Variants in CAB39L observed in about 807,000 individuals in gnomAD.
CAB39L encodes the protein calcium-binding protein 39-like.
Under a neutral mutation model 39.1 loss-of-function variants are expected in CAB39L, and 23 were observed. The observed-to-expected ratio is 0.59, with a 90% CI of 0.42 to 0.83. The LOEUF (loss-of-function observed/expected upper bound fraction) is 0.83. Ranked by LOEUF, CAB39L falls within the 40% of genes least tolerant of loss-of-function variation. CAB39L has a pLI of 0.00. For missense variants in CAB39L, 366 were observed against 391.9 expected (o/e 0.93, Z 0.56); for synonymous variants, 126 against 137.2 (o/e 0.92, Z 0.57).
chr13:49,378,817 G>A (rs1472064708), intron 4 of CAB39L, among the ~76,000 whole-genome samples: 153 of 36,820 alleles, frequency 4.2e-3, no homozygotes, highest in South Asian at 5.2e-3. Context: ...GGTGAGGGGC[G>A]CCTCTGCCCG....
At chr13:49,347,077 C>T (rs1045083869) in intron 7 of CAB39L, among the ~76,000 whole-genome samples, 1 of 151,866 alleles carries the variant, frequency 6.6e-6, no homozygotes, top group Admixed American at 6.6e-5. Flanking sequence ...CCAAACAAAA[C>T]CCTTTGAAAC....
At chr13:49,395,380 C>T (rs932509409) in intron 3 of CAB39L, among the ~76,000 whole-genome samples, 3 of 151,944 alleles carry the variant, frequency 2.0e-5, no homozygotes, top group Non-Finnish European at 4.4e-5. Flanking sequence ...GGATTACAGG[C>T]ACTCACCACC....
chr13:49,434,766 A>G (rs1196506113), intron 1 of CAB39L, among the ~76,000 whole-genome samples: 1 of 152,170 alleles, frequency 6.6e-6, no homozygotes, highest in East Asian at 1.9e-4. Flanking sequence ...GCAGCACATC[A>G]ATACTACTAC....
chr13:49,335,968 G>A (rs746122558), intron 9 of CAB39L, among the ~76,000 whole-genome samples: 3 of 151,966 alleles, frequency 2.0e-5, no homozygotes, highest in Non-Finnish European at 4.4e-5. Context: ...AACCTCTCTT[G>A]TTTCCTGCAA....
chr13:49,421,745 C>T (rs976203716), intron 3 of CAB39L, among the ~76,000 whole-genome samples: 3 of 152,040 alleles, frequency 2.0e-5, no homozygotes, highest in Admixed American at 6.6e-5. Context: ...CTCTACCCAG[C>T]AGTAACAAGC....
chr13:49,320,174 G>A (rs1357710774), intron 10 of CAB39L, among the ~76,000 whole-genome samples: 1 of 152,178 alleles, frequency 6.6e-6, no homozygotes, highest in African/African-American at 2.4e-5. Context: ...ACACACTGAT[G>A]ATAAGAAACA....
intron 10 of CAB39L, among the ~76,000 whole-genome samples, chr13:49,330,486 G>A (rs536677020): frequency 4.0e-5 from 6 of 151,876 alleles, no homozygotes; most frequent in East Asian, 1.9e-4. Context: ...TTAGCTGGGC[G>A]AGGTGGCACG....
intron 5 of CAB39L, among the ~76,000 whole-genome samples, chr13:49,365,689 T>G (rs1160386293): frequency 2.0e-5 from 3 of 152,208 alleles, no homozygotes; most frequent in African/African-American, 7.2e-5. Flanking sequence ...CCTCATATGC[T>G]GTTGGTAGGA....
chr13:49,427,181 AG>A (rs1369785732), intron 3 of CAB39L, among the ~76,000 whole-genome samples: 1 of 152,176 alleles, frequency 6.6e-6, no homozygotes, highest in African/African-American at 2.4e-5. Context: ...TGCATTATAA[AG>A]CTTATGCTAC....
intron 5 of CAB39L, among the ~76,000 whole-genome samples, chr13:49,370,199 TAGATATTGGGAA>T (rs1025706210): frequency 2.0e-5 from 3 of 152,106 alleles, no homozygotes; most frequent in African/African-American, 7.2e-5. Context: ...GACTAATTTA[TAGATATTGGGAA>T]AGATATAGGG....
At chr13:49,413,975 C>CA (rs11401150) in intron 3 of CAB39L, 79,851 of 151,920 alleles carry the variant, frequency 0.53, 21,057 homozygotes, top group Middle Eastern at 0.57. Context: ...TGCAACAAAA[C>CA]AGAGACTCTT....
intron 3 of CAB39L, among the ~76,000 whole-genome samples, chr13:49,396,315 C>T (rs1956625346): frequency 6.6e-6 from 1 of 152,082 alleles, no homozygotes; most frequent in Admixed American, 6.6e-5. Context: ...TAGACAGGAA[C>T]ATTTCCAAAA....
In CAB39L at chr13:49,443,969, G is replaced by A. The variant is rs1261332072; in HGVS notation, c.-246+17C>T. ...GCCCAGTCCCAGCCACACACAAGAT[G>A]GCAGCCTCACACCTACCGGAGGAAA... On this transcript the variant is annotated intron_variant, in intron 1 of 10. Coordinates refer to ENST00000409308, the MANE Select transcript of CAB39L (RefSeq NM_001079670.3). The A allele has an allele frequency of 2.2e-6, 1 of 456,736 alleles. No individual in the cohort carries two copies. Among genetic ancestry groups the A allele is most frequent in the South Asian group, 1.5e-5 (1 of 64,556 alleles). The allele number at this position is 456,736 out of a possible 1,614,324, so 28.3% of individuals were successfully genotyped here. A position where few individuals can be genotyped will look rare whatever the true frequency, so the allele number is the denominator to read the frequency against.
intron 7 of CAB39L, among the ~76,000 whole-genome samples, chr13:49,346,100 G>GATATATATATATATATATATAT (rs370368670): frequency 0.043 from 1,307 of 30,574 alleles, 110 homozygotes; most frequent in East Asian, 0.093. Context: ...ATATATGCTA[G>GATATATATATATATATATATAT]ATATATATAT....
At chr13:49,343,996 A>G (rs1356601832) in intron 8 of CAB39L, among the ~76,000 whole-genome samples, 183 bp downstream of exon 8, 2 of 152,082 alleles carry the variant, frequency 1.3e-5, no homozygotes, top group African/African-American at 2.4e-5. Flanking sequence ...GAAAGCCCTG[A>G]CCTCCTGCCA....
intron 3 of CAB39L, among the ~76,000 whole-genome samples, chr13:49,395,237 CTT>C (rs543831076): frequency 4.4e-5 from 6 of 134,984 alleles, no homozygotes; most frequent in African/African-American, 2.7e-5. Context: ...TCTTTTCTTT[CTT>C]TTTTTTTTTT....
At chr13:49,331,203 T>G (rs1005038504) in intron 10 of CAB39L, among the ~76,000 whole-genome samples, 3 of 152,106 alleles carry the variant, frequency 2.0e-5, no homozygotes, top group African/African-American at 7.2e-5. Context: ...CAGTGGCTCA[T>G]GCCTGTAATC....
chr13:49,334,911 C>T (rs540307376), intron 9 of CAB39L, among the ~76,000 whole-genome samples: 1 of 152,188 alleles, frequency 6.6e-6, no homozygotes, highest in African/African-American at 2.4e-5. Context: ...CCCTAATGCA[C>T]CTAGCAATTA....
chr13:49,324,354 A>T (rs1566062331), intron 10 of CAB39L, among the ~76,000 whole-genome samples: 1 of 152,012 alleles, frequency 6.6e-6, no homozygotes, highest in Non-Finnish European at 1.5e-5. Context: ...AAATAATTCT[A>T]AAAAAAGAAC....
Sources: allele counts gnomAD v4.1 joint callset (sites outside exome capture counted in the v4.1 genomes callset), GRCh38; gene constraint gnomAD v4.1.1; transcripts MANE v1.5; gene names NCBI Gene and HGNC (gene_info 2026-07-23, HGNC 2026-07-21).